SLC24A2: variants seen among roughly 807,000 people sequenced by gnomAD.
The protein encoded by SLC24A2 is solute carrier family 24 member 2.
In SLC24A2, 36 loss-of-function variants were observed where a neutral mutation model predicts 62.0. The observed-to-expected ratio is 0.58, with a 90% CI of 0.44 to 0.77. The LOEUF is 0.77. Among genes scored for constraint, SLC24A2 ranks in the 30% least tolerant of loss-of-function variants. The pLI is 0.00. For synonymous variants in SLC24A2, 358 were observed against 294.0 expected (o/e 1.22, Z -2.23); for missense variants, 846 against 817.9 (o/e 1.03, Z -0.42).
the SLC24A2 span, among the ~76,000 whole-genome samples, chr9:19,896,459 T>C: frequency 6.6e-6 from 1 of 152,218 alleles, no homozygotes; most frequent in Admixed American, 6.5e-5. Context: ...AGAACACTCT[T>C]TGGGAGACAA....
the SLC24A2 span, among the ~76,000 whole-genome samples, chr9:20,026,327 T>A: frequency 2.6e-5 from 4 of 152,220 alleles, no homozygotes; most frequent in African/African-American, 9.6e-5. Context: ...TTTGTCTGCA[T>A]GCCATCAGTC....
intron 2 of SLC24A2, among the ~76,000 whole-genome samples, chr9:19,735,158 T>C (rs769097331): frequency 6.6e-6 from 1 of 150,494 alleles, no homozygotes; most frequent in African/African-American, 2.5e-5. Flanking sequence ...TCAAACAAAT[T>C]TACAGGAAAA....
At chr9:19,784,395 A>T (rs1823099825) in intron 2 of SLC24A2, among the ~76,000 whole-genome samples, 1 of 152,244 alleles carries the variant, frequency 6.6e-6, no homozygotes, top group Admixed American at 6.5e-5. Flanking sequence ...AAGTTAATGA[A>T]GTTCCACTAG....
intron 2 of SLC24A2, among the ~76,000 whole-genome samples, chr9:19,730,751 A>G (rs1050524250): frequency 2.0e-5 from 3 of 152,208 alleles, no homozygotes; most frequent in African/African-American, 7.2e-5. Flanking sequence ...TTAAAAATTT[A>G]AACATGCTTA....
In SLC24A2 at chr9:19,513,936, T is replaced by C. The variant is rs926206642; in HGVS notation, c.*2217A>G. The C allele has an allele frequency of 6.6e-6, 1 of 152,198 alleles. No individual in the cohort carries two copies. The highest frequency in any genetic ancestry group is 2.4e-5 in the African/African-American group (1 of 41,450). 9.4% of individuals were successfully genotyped at this position (152,198 alleles called of 1,614,324 possible). A position where few individuals can be genotyped will look rare whatever the true frequency, so the allele number is the denominator to read the frequency against. Reference sequence around the variant, plus strand: ...TCCTGACCTTGATGAATGAGATTCATTCCCATTAGGTGGCAGGTTCCACTC... The same window carrying C: ...TCCTGACCTTGATGAATGAGATTCACTCCCATTAGGTGGCAGGTTCCACTC... On this transcript the variant is annotated 3_prime_UTR_variant, in exon 11 of 11. Coordinates refer to ENST00000341998, the MANE Select transcript of SLC24A2 (RefSeq NM_020344.4).
chr9:19,517,355 G>A (rs1832982056), intron 10 of SLC24A2, among the ~76,000 whole-genome samples: 1 of 152,174 alleles, frequency 6.6e-6, no homozygotes, highest in South Asian at 2.1e-4. Context: ...CAAAAGCTAA[G>A]GGAGGTTCAG....
intron 7 of SLC24A2, among the ~76,000 whole-genome samples, chr9:19,559,219 T>C (rs1429924629): frequency 1.3e-5 from 2 of 152,232 alleles, no homozygotes; most frequent in African/African-American, 4.8e-5. Flanking sequence ...AGGTGAATTA[T>C]AACATTTCCA....
At chr9:19,717,787 C>T (rs1348488198) in intron 2 of SLC24A2, among the ~76,000 whole-genome samples, 1 of 152,022 alleles carries the variant, frequency 6.6e-6, no homozygotes. Flanking sequence ...CATCTGAAGC[C>T]TCTTGCAGTG....
At chr9:20,141,175 G>C in the SLC24A2 span, among the ~76,000 whole-genome samples, 1 of 152,090 alleles carries the variant, frequency 6.6e-6, no homozygotes, top group Non-Finnish European at 1.5e-5. Flanking sequence ...TATGCCACAG[G>C]ACAGCTGGTA....
chr9:19,930,614 C>G, the SLC24A2 span, among the ~76,000 whole-genome samples: 1 of 152,156 alleles, frequency 6.6e-6, no homozygotes. Context: ...GGACTGCTTT[C>G]GAATTTGTGG....
At chr9:19,894,334 A>G in the SLC24A2 span, among the ~76,000 whole-genome samples, 1 of 152,212 alleles carries the variant, frequency 6.6e-6, no homozygotes, top group Non-Finnish European at 1.5e-5. Context: ...TCTGAGACAC[A>G]TGCTATAGGC....
At chr9:19,900,661 T>G in the SLC24A2 span, among the ~76,000 whole-genome samples, 271 of 152,356 alleles carry the variant, frequency 1.8e-3, no homozygotes, top group African/African-American at 6.3e-3. Context: ...AACTTACTAC[T>G]ATGTCAAGCA....
At chr9:19,745,799 A>C (rs1242920932) in intron 2 of SLC24A2, among the ~76,000 whole-genome samples, 1 of 152,176 alleles carries the variant, frequency 6.6e-6, no homozygotes, top group Non-Finnish European at 1.5e-5. Context: ...AAAGCAAGTC[A>C]AAAAAGTTTA....
intron 7 of SLC24A2, among the ~76,000 whole-genome samples, chr9:19,552,156 C>A (rs142972747): frequency 6.6e-6 from 1 of 152,288 alleles, no homozygotes; most frequent in East Asian, 1.9e-4. Context: ...TGCTTTCTTT[C>A]TTCCATCCTG....
At chr9:19,777,224 A>C (rs1298876711) in intron 2 of SLC24A2, among the ~76,000 whole-genome samples, 1 of 152,230 alleles carries the variant, frequency 6.6e-6, no homozygotes, top group East Asian at 1.9e-4. Flanking sequence ...AATCTATAAA[A>C]GAAAAATGTC....
chr9:20,118,311 A>G, the SLC24A2 span, among the ~76,000 whole-genome samples: 1 of 152,184 alleles, frequency 6.6e-6, no homozygotes, highest in Non-Finnish European at 1.5e-5. Flanking sequence ...TCAATCAGTC[A>G]TTGCATAGAA....
At chr9:19,940,511 TG>T in the SLC24A2 span, among the ~76,000 whole-genome samples, 1 of 152,306 alleles carries the variant, frequency 6.6e-6, no homozygotes, top group African/African-American at 2.4e-5. Context: ...TTGGACTACA[TG>T]AGTGCTCATG....
At chr9:19,948,809 C>T in the SLC24A2 span, among the ~76,000 whole-genome samples, 1 of 133,086 alleles carries the variant, frequency 7.5e-6, no homozygotes, top group African/African-American at 2.8e-5. Flanking sequence ...CGCGCCACAG[C>T]ACTCCCGCCT....
chr9:19,906,644 A>T, the SLC24A2 span, among the ~76,000 whole-genome samples: 1 of 152,194 alleles, frequency 6.6e-6, no homozygotes, highest in Admixed American at 6.5e-5. Flanking sequence ...GATAAAGGGG[A>T]TATCACCACC....
Sources: gnomAD v4.1 joint callset for allele counts (sites outside exome capture counted in the v4.1 genomes callset) on GRCh38, gnomAD v4.1.1 for gene constraint, MANE v1.5 for transcripts, NCBI Gene and HGNC (gene_info 2026-07-23, HGNC 2026-07-21) for gene names.